SLC9A2: variants seen among roughly 807,000 people sequenced by gnomAD.
SLC9A2 encodes the protein solute carrier family 9 member A2.
Under a neutral mutation model 71.7 loss-of-function variants are expected in SLC9A2, and 42 were observed. That is an observed-to-expected ratio of 0.59 (90% CI 0.46 to 0.76). SLC9A2 has a LOEUF of 0.76. Ranked by LOEUF, SLC9A2 falls within the 30% of genes least tolerant of loss-of-function variation. SLC9A2 has a pLI of 0.00. For synonymous variants in SLC9A2, 396 were observed against 392.5 expected, an observed-to-expected ratio of 1.01 and a Z score of -0.10; for missense variants, 829 against 1,017.4, an observed-to-expected ratio of 0.81 and a Z score of 2.52.
intron 1 of SLC9A2, among the ~76,000 whole-genome samples, chr2:102,631,994 G>T (rs1437733717): frequency 3.1e-5 from 2 of 64,866 alleles, no homozygotes; most frequent in Non-Finnish European, 5.3e-5. Flanking sequence ...ATGAAAGTGG[G>T]GATATATATA....
intron 3 of SLC9A2, among the ~76,000 whole-genome samples, chr2:102,681,992 C>T (rs1039570022): frequency 5.3e-5 from 8 of 152,092 alleles, no homozygotes; most frequent in Non-Finnish European, 7.4e-5. Context: ...AAGTCTTCTC[C>T]GAGTGAGGAG....
intron 3 of SLC9A2, among the ~76,000 whole-genome samples, chr2:102,682,838 T>C (rs544596893): frequency 1.3e-5 from 2 of 152,348 alleles, no homozygotes; most frequent in Non-Finnish European, 2.9e-5. Context: ...AAGTTTAGGA[T>C]TTTATACAAT....
chr2:102,702,629 T>G (rs1677896348), intron 9 of SLC9A2, 127 bp downstream of exon 9: 1 of 612,474 alleles, frequency 1.6e-6, no homozygotes, highest in African/African-American at 1.9e-5. Context: ...GGGCATCTTC[T>G]CTCCTTCTGC....
At chr2:102,672,490 T>A (rs929008273) in intron 3 of SLC9A2, among the ~76,000 whole-genome samples, 2 of 152,132 alleles carry the variant, frequency 1.3e-5, no homozygotes, top group African/African-American at 2.4e-5. Flanking sequence ...AAAAGAGAAA[T>A]GCTCTCCCCG....
At position 102,708,200 on chromosome 2, in the gene SLC9A2, A is replaced by T; in HGVS notation, c.2150A>T (p.Glu717Val). The T allele has an allele frequency of 6.2e-7, 1 of 1,614,208 alleles. No individual in the cohort carries two copies. The highest frequency in any genetic ancestry group is 8.5e-7 in the Non-Finnish European group (1 of 1,180,038). ...LQPRARRFLP[E>V]QFSKKSPQSY... ...CCCAGAGCCAGGCGCTTCTTGCCAG[A>T]ACAGTTCTCCAAGAAATCCCCCCAG... The change falls in exon 12 of 12, where the codon GAA (glutamate) becomes GTA (valine). Residue 717 changes from glutamate (E) to valine (V), a missense_variant. Transcript: ENST00000233969.
Position 102,708,574 on chromosome 2 carries a change from A to C in SLC9A2, c.*85A>C. On this transcript the variant is annotated 3_prime_UTR_variant, in exon 12 of 12. Transcript: ENST00000233969. The stretch of plus-strand genomic sequence containing the variant: ...GAAACCTGATGCAACAGTGGAATCC[A>C]TGTAAAACTCTCTGTGCATCTAAAT... 2.1e-6 allele frequency: 3 copies of C among 1,457,306 alleles called. No individual in the cohort carries two copies. Among genetic ancestry groups the C allele is most frequent in the Non-Finnish European group, 2.8e-6 (3 of 1,077,072 alleles). 90.3% of individuals were successfully genotyped at this position (1,457,306 alleles called of 1,614,324 possible). A position where few individuals can be genotyped will look rare whatever the true frequency, so the allele number is the denominator to read the frequency against.
At chr2:102,646,947 G>C (rs917663580) in intron 1 of SLC9A2, among the ~76,000 whole-genome samples, 1 of 151,948 alleles carries the variant, frequency 6.6e-6, no homozygotes, top group African/African-American at 2.4e-5. Context: ...CTTGAACTCA[G>C]CTCTGGGCAA....
At chr2:102,628,563 T>G (rs1035840433) in intron 1 of SLC9A2, among the ~76,000 whole-genome samples, 8 of 152,130 alleles carry the variant, frequency 5.3e-5, no homozygotes, top group Non-Finnish European at 1.2e-4. Flanking sequence ...TTTTCCTACT[T>G]TAATTGTATT....
At chr2:102,676,327 T>C (rs1192751581) in intron 3 of SLC9A2, among the ~76,000 whole-genome samples, 8 of 152,232 alleles carry the variant, frequency 5.3e-5, no homozygotes, top group Non-Finnish European at 1.5e-5. Flanking sequence ...CATGGGACAC[T>C]TGATGCCTGT....
chr2:102,658,105 T>C (rs1233982061), intron 2 of SLC9A2, 78 bp downstream of exon 2: 1 of 1,117,808 alleles, frequency 8.9e-7, no homozygotes, highest in Non-Finnish European at 1.3e-6. Context: ...GCACCTCAAC[T>C]GGCAGGGGCG....
intron 1 of SLC9A2, among the ~76,000 whole-genome samples, chr2:102,622,556 A>G (rs1334025394): frequency 6.6e-6 from 1 of 152,158 alleles, no homozygotes. Context: ...CTGGTTTCAT[A>G]TAGGAGAAAA....
intron 1 of SLC9A2, among the ~76,000 whole-genome samples, chr2:102,655,311 A>C (rs1171836600): frequency 6.8e-6 from 1 of 147,710 alleles, no homozygotes; most frequent in Non-Finnish European, 1.5e-5. Flanking sequence ...CCGCCACCAC[A>C]CCCAGCTAAT....
At chr2:102,704,514 T>G (rs1336738493) in intron 9 of SLC9A2, 30 bp from the exon 10 acceptor site, 1 of 1,601,010 alleles carries the variant, frequency 6.2e-7, no homozygotes, top group Non-Finnish European at 8.5e-7. Context: ...GTTTTTGTTT[T>G]TTAATGTCCT....
chr2:102,692,693 T>C (rs1206195479), intron 5 of SLC9A2, among the ~76,000 whole-genome samples: 2 of 152,230 alleles, frequency 1.3e-5, no homozygotes, highest in Non-Finnish European at 2.9e-5. Context: ...TGGTTACATT[T>C]ACTTTTCCAG....
chr2:102,629,353 G>T (rs1676312067), intron 1 of SLC9A2, among the ~76,000 whole-genome samples: 1 of 151,930 alleles, frequency 6.6e-6, no homozygotes, highest in Admixed American at 6.6e-5. Context: ...CCATTTAAAA[G>T]AAAACTTGAT....
rs17776702 is a variant in SLC9A2, at chr2:102,701,217, A to G, written c.1734A>G (p.Thr578=). ...AETGMISTVP[T]FASLNDCREE... is the part of the protein sequence containing the mutation. ...CTGGGATGATAAGTACTGTCCCTAC[A>G]TTTGCATCTCTAAAGTAAGTATGGT... Residue 578 remains threonine, a synonymous_variant, in exon 8 of 12, where the codon ACA becomes ACG. Coordinates refer to ENST00000233969, the MANE Select transcript of SLC9A2 (RefSeq NM_003048.6). The G allele has an allele frequency of 0.021, 32,964 of 1,598,332 alleles. 455 individuals are homozygous for G. The highest frequency in any genetic ancestry group is 0.025 in the Non-Finnish European group (29,560 of 1,175,204).
intron 5 of SLC9A2, 120 bp downstream of exon 5, chr2:102,684,456 A>C: frequency 1.1e-6 from 1 of 914,070 alleles, no homozygotes; most frequent in Non-Finnish European, 1.8e-6. Context: ...TTACTAGGGA[A>C]AATGATATTT....
chr2:102,681,013 T>C (rs1013266057), intron 3 of SLC9A2, among the ~76,000 whole-genome samples: 1 of 152,208 alleles, frequency 6.6e-6, no homozygotes, highest in African/African-American at 2.4e-5. Flanking sequence ...AGCCCACTAA[T>C]GTGATTTTGG....
chr2:102,681,833 C>T (rs1009275687), intron 3 of SLC9A2, among the ~76,000 whole-genome samples: 2 of 152,152 alleles, frequency 1.3e-5, no homozygotes, highest in African/African-American at 4.8e-5. Context: ...AATAAACATA[C>T]CTGCCTTTGT....
Sources: gnomAD v4.1 joint callset for allele counts (sites outside exome capture counted in the v4.1 genomes callset) on GRCh38, gnomAD v4.1.1 for gene constraint, MANE v1.5 for transcripts, NCBI Gene and HGNC (gene_info 2026-07-23, HGNC 2026-07-21) for gene names.